The following USP47 variants were observed in gnomAD, a reference collection of about 807,000 sequenced individuals.
The protein encoded by USP47 is ubiquitin specific peptidase 47, also known as ubiquitin carboxyl-terminal hydrolase 47.
USP47 carries 35 observed loss-of-function variants against 165.1 expected under a neutral mutation model. The ratio of observed to expected loss-of-function variants is 0.21; its 90% CI spans 0.16 to 0.28. The LOEUF (loss-of-function observed/expected upper bound fraction) is 0.28, where lower values mean the gene tolerates loss of function less well. Ranked by LOEUF, USP47 falls within the 10% of genes least tolerant of loss-of-function variation. USP47 has a pLI of 1.00. For missense variants in USP47, 1,277 were observed against 1,607.4 expected (o/e 0.79, Z 3.52); for synonymous variants, 531 against 544.5 (o/e 0.98, Z 0.35).
chr11:11,853,507 A>G (rs921340442), intron 1 of USP47, among the ~76,000 whole-genome samples: 3 of 152,174 alleles, frequency 2.0e-5, no homozygotes, highest in African/African-American at 7.2e-5. Context: ...CTTAAAGAAT[A>G]TGTGTTTTCC....
chr11:11,933,833 A>G lies in USP47; in HGVS notation c.1767A>G (p.Ile589Met). 4 of 1,593,888 alleles carry G rather than the reference A, an allele frequency of 2.5e-6. No individual in the cohort carries two copies. The highest frequency in any genetic ancestry group is 2.2e-5 in the South Asian group (2 of 90,316). The change falls in exon 16 of 28, where the codon ATA (isoleucine) becomes ATG (methionine). Residue 589 changes from isoleucine (I) to methionine (M), a missense_variant and splice_region_variant. Physicochemically the swap from Ile to Met is conservative, Grantham distance 10. Coordinates refer to ENST00000527733, the MANE Select transcript of USP47 (RefSeq NM_001282659.2). ...TGATGATATTTTACATTTTCTAGAT[A>G]AAATTATTCTGTTTGCATCCTACAA... ...QREIERNTCK[I>M]KLFCLHPTKQ...
chr11:11,861,039 G>C (rs1036515236), intron 1 of USP47, among the ~76,000 whole-genome samples: 2 of 152,094 alleles, frequency 1.3e-5, no homozygotes, highest in Admixed American at 1.3e-4. Context: ...TTTCTTCATC[G>C]ATAAAATAAG....
rs1413882738 is a variant in USP47 at position 11,938,250 on chromosome 11, G to A, written c.2078-7G>A. On this transcript the variant is annotated splice_polypyrimidine_tract_variant and splice_region_variant and intron_variant, in intron 17 of 27. Coordinates refer to ENST00000527733, the MANE Select transcript of USP47 (RefSeq NM_001282659.2). ...CAATTCTGTGTTTATGTCTTCAAAT[G>A]TGACAGAAGTGATGGTGAAAGTTCA... 6 of 1,609,080 alleles carry A rather than the reference G, an allele frequency of 3.7e-6. No individual in the cohort carries two copies. The highest frequency in any genetic ancestry group is 4.3e-6 in the Non-Finnish European group (5 of 1,176,240).
Position 11,846,014 on chromosome 11 carries a change from G to A in USP47, c.39+3790G>A, listed in dbSNP as rs116388498. On this transcript the variant is annotated intron_variant, in intron 1 of 27. Coordinates refer to ENST00000527733, the MANE Select transcript of USP47 (RefSeq NM_001282659.2). ...TCTGAGCTTCCTCAGTTCTTTAACT[G>A]TTTCTTAGTTCCTCTCTTTTGGACA... is the stretch of plus-strand genomic sequence containing the variant. Among the ~76,000 whole-genome samples the A allele has an allele frequency of 3.1e-3, 467 of 152,232 alleles. 3 individuals carry two copies. The highest frequency in any genetic ancestry group is 0.011 in the African/African-American group (437 of 41,548).
intron 1 of USP47, among the ~76,000 whole-genome samples, chr11:11,877,229 C>T (rs1032682500): frequency 6.6e-6 from 1 of 151,294 alleles, no homozygotes; most frequent in Non-Finnish European, 1.5e-5. Flanking sequence ...CTTCTCAGTT[C>T]CCAAACTGGA....
rs144350992 is a variant in USP47 at position 11,959,385 on chromosome 11, T to C, written c.*3210T>C. The C allele has an allele frequency of 6.6e-6, 1 of 152,190 alleles. No homozygotes were observed. Among genetic ancestry groups the C allele is most frequent in the African/African-American group, 2.4e-5 (1 of 41,446 alleles). 9.4% of individuals were successfully genotyped at this position (152,190 alleles called of 1,614,324 possible). Reference sequence around the variant, plus strand: ...TTGGTCACTAGTAGTCAAAATCTTATAAGGCCATATGTCCTGAAAGGCAAA... The same window carrying C: ...TTGGTCACTAGTAGTCAAAATCTTACAAGGCCATATGTCCTGAAAGGCAAA... On this transcript the variant is annotated 3_prime_UTR_variant, in exon 28 of 28. Coordinates refer to ENST00000527733, the MANE Select transcript of USP47 (RefSeq NM_001282659.2).
At chr11:11,925,104 AGTTTTTG>A (rs1039705225) in intron 11 of USP47, among the ~76,000 whole-genome samples, 9 of 146,784 alleles carry the variant, frequency 6.1e-5, no homozygotes, top group Non-Finnish European at 3.0e-5. Flanking sequence ...TTTTTGTTTT[AGTTTTTG>A]GTTTTTTTTT....
chr11:11,954,165 G>A (rs939179504), intron 25 of USP47, among the ~76,000 whole-genome samples: 20 of 152,116 alleles, frequency 1.3e-4, no homozygotes, highest in African/African-American at 4.8e-4. Context: ...CTGGAGAACT[G>A]CTTGAACCCA....
chr11:11,918,593 T>A (rs922700375), intron 8 of USP47, among the ~76,000 whole-genome samples: 14 of 152,090 alleles, frequency 9.2e-5, no homozygotes, highest in African/African-American at 3.4e-4. Flanking sequence ...AATGTTGGGT[T>A]GGGCGAGGGA....
chr11:11,948,181 C>T (rs1409468686), intron 21 of USP47, 61 bp downstream of exon 21: 5 of 1,511,586 alleles, frequency 3.3e-6, no homozygotes, highest in Non-Finnish European at 3.5e-6. Flanking sequence ...TTGAGAACAG[C>T]TTTTACTACT....
In USP47 at chr11:11,905,419, A is replaced by G. The variant is rs753155711; in HGVS notation, c.840A>G (p.Leu280=). 5 of 1,595,234 alleles carry G rather than the reference A, an allele frequency of 3.1e-6. No homozygotes were observed. The highest frequency in any genetic ancestry group is 2.3e-5 in the East Asian group (1 of 44,394). ...QTEQADLINE[L]YQGKLKDYVR... ...TTTAGGCTGATCTTATAAATGAGCTATATCAAGGCAAGCTGAAGGACTACG... is the reference window on the plus strand; with the variant it reads ...TTTAGGCTGATCTTATAAATGAGCTGTATCAAGGCAAGCTGAAGGACTACG... Residue 280 remains leucine (L), a synonymous_variant, in exon 8 of 28, where the codon CTA becomes CTG. Coordinates refer to ENST00000527733, the MANE Select transcript of USP47 (RefSeq NM_001282659.2).
chr11:11,892,818 TA>T (rs778720093), intron 4 of USP47, among the ~76,000 whole-genome samples: 34 of 80,154 alleles, frequency 4.2e-4, no homozygotes, highest in East Asian at 8.5e-4. Flanking sequence ...CTGTCTCAAG[TA>T]AAAAAAAAAA....
chr11:11,915,131 T>C (rs147003476), intron 8 of USP47, among the ~76,000 whole-genome samples: 169 of 152,248 alleles, frequency 1.1e-3, no homozygotes, highest in African/African-American at 3.9e-3. Context: ...ATACAAACCA[T>C]GAAATAGTAC....
chr11:11,932,817 C>G (rs1268124197), intron 14 of USP47, among the ~76,000 whole-genome samples, 187 bp from the exon 15 acceptor site: 2 of 152,122 alleles, frequency 1.3e-5, no homozygotes, highest in African/African-American at 4.8e-5. Context: ...CCATGTGTCC[C>G]TGTTAACTGT....
chr11:11,936,431 C>T lies in USP47; in HGVS notation c.1998C>T (p.Gly666=), dbSNP rs368349531. ...EDTPMGLLLG[G]VKSTYMFDLL... ...CACCAATGGGGCTTCTACTAGGTGG[C>T]GTCAAGTCAACATATATGTTTGATC... The change falls in exon 17 of 28, where the codon GGC becomes GGT. Residue 666 remains glycine, a synonymous_variant. Transcript: ENST00000527733. The T allele has an allele frequency of 1.8e-5, 29 of 1,609,424 alleles. No individual in the cohort carries two copies. In the African/African-American group the frequency reaches 2.9e-4, roughly 16 times the overall value.
intron 14 of USP47, among the ~76,000 whole-genome samples, chr11:11,931,004 A>G (rs1205474717): frequency 6.6e-6 from 1 of 152,166 alleles, no homozygotes; most frequent in Non-Finnish European, 1.5e-5. Context: ...TAGTAGTAAG[A>G]TTATATTATG....
At chr11:11,919,662 A>C (rs1853683905) in intron 8 of USP47, among the ~76,000 whole-genome samples, 1 of 151,950 alleles carries the variant, frequency 6.6e-6, no homozygotes, top group Admixed American at 6.6e-5. Flanking sequence ...GTGCAGTGGC[A>C]GATTACTGAC....
intron 8 of USP47, among the ~76,000 whole-genome samples, chr11:11,912,164 AAAAAG>A (rs1853044396): frequency 6.6e-6 from 1 of 151,902 alleles, no homozygotes; most frequent in Non-Finnish European, 1.5e-5. Context: ...CCTAACCTGA[AAAAAG>A]AAGAGCAAAA....
At chr11:11,868,521 ATTTG>A (rs777000118) in intron 1 of USP47, among the ~76,000 whole-genome samples, 2 of 152,148 alleles carry the variant, frequency 1.3e-5, no homozygotes, top group Non-Finnish European at 2.9e-5. Context: ...ATGTACTATA[ATTTG>A]TTTGACCATT....
Sources: allele counts gnomAD v4.1 joint callset (sites outside exome capture counted in the v4.1 genomes callset), GRCh38; gene constraint gnomAD v4.1.1; transcripts MANE v1.5; gene names NCBI Gene and HGNC (gene_info 2026-07-23, HGNC 2026-07-21).